DYRK2: variants seen among roughly 807,000 people sequenced by gnomAD.
DYRK2 encodes the protein dual specificity tyrosine-phosphorylation-regulated kinase 2.
DYRK2 carries 12 observed loss-of-function variants against 41.6 expected under a neutral mutation model. The observed-to-expected ratio is 0.29, with a 90% CI of 0.18 to 0.47. The LOEUF (loss-of-function observed/expected upper bound fraction) is 0.47, where lower values mean the gene tolerates loss of function less well. Among genes scored for constraint, DYRK2 ranks in the 20% least tolerant of loss-of-function variants. DYRK2 has a pLI of 1.00. For synonymous variants in DYRK2, 322 were observed against 315.7 expected (o/e 1.02, Z -0.21); for missense variants, 678 against 798.4 (o/e 0.85, Z 1.82).
intron 2 of DYRK2, chr12:67,651,326 T>G (rs112925533): frequency 4.3e-4 from 111 of 258,594 alleles, no homozygotes; most frequent in African/African-American, 2.4e-3. Flanking sequence ...AATACCCAGT[T>G]TTTTGCTATG....
chr12:67,649,945 G>A lies in DYRK2; in HGVS notation c.198G>A (p.Thr66=). The A allele has an allele frequency of 7.3e-7, 1 of 1,365,484 alleles. No individual in the cohort carries two copies. Among genetic ancestry groups the A allele is most frequent in the African/African-American group, 1.5e-5 (1 of 65,274 alleles). The allele number at this position is 1,365,484 out of a possible 1,614,324, so 84.6% of individuals were successfully genotyped here. ...RASNAAAAAH[T]IGGSKHTMND... ...GCAACGCTGCCGCCGCAGCCCACAC[G>A]GTGAGACCCAGCCCGCGGGCGGCCC... Residue 66 remains threonine, a splice_region_variant and synonymous_variant, in exon 2 of 3, where the codon ACG becomes ACA. Transcript: ENST00000344096.
chr12:67,651,712 A>G (rs1872327141), intron 2 of DYRK2: 1 of 441,876 alleles, frequency 2.3e-6, no homozygotes, highest in Non-Finnish European at 4.5e-6. Flanking sequence ...TCTATAACAT[A>G]GCAGATTTCA....
rs1408418702 is a variant in DYRK2 at position 67,664,576 on chromosome 12, C to T, written c.*5863C>T. ...AAGTGACTTGCTCCAAAGTTGACTACAAAAACATTGCAGTTTGAGGCTTAG... is the reference window on the plus strand; with the variant it reads ...AAGTGACTTGCTCCAAAGTTGACTATAAAAACATTGCAGTTTGAGGCTTAG... On this transcript the variant is annotated 3_prime_UTR_variant, in exon 3 of 3. Transcript: ENST00000344096. The T allele has an allele frequency of 6.6e-6, 1 of 151,838 alleles. No homozygotes were observed. 9.4% of individuals were successfully genotyped at this position (151,838 alleles called of 1,614,324 possible).
rs1872686271 is a variant in DYRK2 at position 67,663,993 on chromosome 12, G to A, written c.*5280G>A. 1 of 148,200 alleles carries A rather than the reference G, an allele frequency of 6.7e-6. No individual in the cohort carries two copies. Among genetic ancestry groups the A allele is most frequent in the South Asian group, 2.2e-4 (1 of 4,556 alleles). The allele number at this position is 148,200 out of a possible 1,614,324, so 9.2% of individuals were successfully genotyped here. On this transcript the variant is annotated 3_prime_UTR_variant, in exon 3 of 3. Transcript: ENST00000344096. ...ATGTTTTGAAAAGAGCATTAAGAGGGATTTGAGGAAGGTATATGTGGCTTT... is the reference window on the plus strand; with the variant it reads ...ATGTTTTGAAAAGAGCATTAAGAGGAATTTGAGGAAGGTATATGTGGCTTT...
At chr12:67,650,053 C>T in intron 2 of DYRK2, 108 bp downstream of exon 2, 1 of 1,142,852 alleles carries the variant, frequency 8.8e-7, no homozygotes, top group Non-Finnish European at 1.1e-6. Flanking sequence ...GGTCGAGATA[C>T]AAGCAGCCCC....
Position 67,658,190 on chromosome 12 carries a change from G to A in DYRK2, c.1283G>A (p.Gly428Glu), listed in dbSNP as rs754652492. The A allele has an allele frequency of 6.2e-6, 10 of 1,614,078 alleles. No homozygotes were observed. The highest frequency in any genetic ancestry group is 8.5e-6 in the Non-Finnish European group (10 of 1,180,046). Residue 428 changes from glycine to glutamate, a missense_variant, in exon 3 of 3, where the codon GGG becomes GAG. Gly to Glu is a moderately conservative substitution (Grantham distance 98). Transcript: ENST00000344096. This position sits in a 1 kb window ranked among gnomAD's most constrained non-coding sequence, Gnocchi z 4.3. ...GYPLLPGEDE[G>E]DQLACMIELL... is the part of the protein sequence containing the mutation. ...CCCCTCTTGCCTGGGGAAGATGAAG[G>A]GGACCAGCTGGCCTGTATGATTGAA...
At position 67,658,445 on chromosome 12, in the gene DYRK2, A is replaced by C. The variant is rs753315158; in HGVS notation, c.1538A>C (p.Lys513Thr). 6.3e-7 allele frequency: 1 copy of C among 1,593,118 alleles called. No individual in the cohort carries two copies. Among genetic ancestry groups the C allele is most frequent in the Admixed American group, 1.7e-5 (1 of 57,648 alleles). ...GATCCCCTTTTCCTTGACTTCTTAA[A>C]ACAGTGTTTAGAGTGGGATCCTGCA... Reference protein sequence around the residue: ...CDDPLFLDFLKQCLEWDPAVR... With the variant: ...CDDPLFLDFLTQCLEWDPAVR... The change falls in exon 3 of 3, where the codon AAA (lysine) becomes ACA (threonine). Residue 513 changes from lysine (K) to threonine (T), a missense_variant. Lys to Thr is a moderately conservative substitution (Grantham distance 78). Coordinates refer to ENST00000344096, the MANE Select transcript of DYRK2 (RefSeq NM_006482.3). This position sits in a 1 kb window ranked among gnomAD's most constrained non-coding sequence, Gnocchi z 4.3.
At chr12:67,654,795 G>C (rs899475099) in intron 2 of DYRK2, among the ~76,000 whole-genome samples, 1 of 152,198 alleles carries the variant, frequency 6.6e-6, no homozygotes, top group Non-Finnish European at 1.5e-5. Context: ...GGAGCTGATC[G>C]ATAGTTGGAT....
At chr12:67,654,399 C>A (rs1001175726) in intron 2 of DYRK2, among the ~76,000 whole-genome samples, 3 of 152,176 alleles carry the variant, frequency 2.0e-5, no homozygotes, top group Non-Finnish European at 2.9e-5. Flanking sequence ...TGGGCAAAAG[C>A]AAGAGTGGTC....
Position 67,663,864 on chromosome 12 carries a change from A to G in DYRK2, c.*5151A>G, listed in dbSNP as rs974889905. 6.6e-6 allele frequency: 1 copy of G among 152,172 alleles called. No individual in the cohort carries two copies. The highest frequency in any genetic ancestry group is 1.5e-5 in the Non-Finnish European group (1 of 68,022). The allele number at this position is 152,172 out of a possible 1,614,324, so 9.4% of individuals were successfully genotyped here. A position where few individuals can be genotyped will look rare whatever the true frequency, so the allele number is the denominator to read the frequency against. ...TTTGGAATGAACAGCTACACAAATA[A>G]ATATTCTTGGAACTTCGAAGTTGTC... On this transcript the variant is annotated 3_prime_UTR_variant, in exon 3 of 3. Coordinates refer to ENST00000344096, the MANE Select transcript of DYRK2 (RefSeq NM_006482.3).
intron 2 of DYRK2, chr12:67,652,707 G>A (rs986409449): frequency 4.6e-5 from 7 of 152,196 alleles, no homozygotes; most frequent in African/African-American, 1.7e-4. Flanking sequence ...TTAGACTATT[G>A]TTTTTATATA....
rs1565806657 is a variant in DYRK2 at position 67,661,605 on chromosome 12, A to C, written c.*2892A>C. The C allele has an allele frequency of 6.0e-6, 1 of 167,068 alleles. No individual in the cohort carries two copies. The highest frequency in any genetic ancestry group is 2.4e-5 in the African/African-American group (1 of 41,446). The allele number at this position is 167,068 out of a possible 1,614,324, so 10.3% of individuals were successfully genotyped here. On this transcript the variant is annotated 3_prime_UTR_variant, in exon 3 of 3. Coordinates refer to ENST00000344096, the MANE Select transcript of DYRK2 (RefSeq NM_006482.3). The stretch of plus-strand genomic sequence containing the variant: ...ACTCTTCGAATTCTAGTCAGTAAGA[A>C]TGGAACCCATCTCTGCAAAGATACA...
rs11869 is a variant in DYRK2, at chr12:67,661,073, A to G, written c.*2360A>G. On this transcript the variant is annotated 3_prime_UTR_variant, in exon 3 of 3. Coordinates refer to ENST00000344096, the MANE Select transcript of DYRK2 (RefSeq NM_006482.3). ...AAACCGGAAACTTTTATACCAAACT[A>G]TAATAATGTGCAGCACTGTAGGGCT... The G allele has an allele frequency of 6.0e-6, 1 of 165,874 alleles. No homozygotes were observed. The highest frequency in any genetic ancestry group is 2.1e-4 in the South Asian group (1 of 4,812). 10.3% of individuals were successfully genotyped at this position (165,874 alleles called of 1,614,324 possible).
Position 67,648,993 on chromosome 12 carries a change from G to C in DYRK2, c.-141G>C. 1.6e-6 allele frequency: 1 copy of C among 610,122 alleles called. No homozygotes were observed. Among genetic ancestry groups the C allele is most frequent in the Non-Finnish European group, 2.5e-6 (1 of 395,160 alleles). 37.8% of individuals were successfully genotyped at this position (610,122 alleles called of 1,614,324 possible). A position where few individuals can be genotyped will look rare whatever the true frequency, so the allele number is the denominator to read the frequency against. ...TGCAGTGGACTGTGTGTGTCTGGCTGTAGCAGACGCGAGGCGGCGACGAGG... is the reference window on the plus strand; with the variant it reads ...TGCAGTGGACTGTGTGTGTCTGGCTCTAGCAGACGCGAGGCGGCGACGAGG... On this transcript the variant is annotated 5_prime_UTR_variant, in exon 1 of 3. Coordinates refer to ENST00000344096, the MANE Select transcript of DYRK2 (RefSeq NM_006482.3).
chr12:67,649,673 C>T, intron 1 of DYRK2, 124 bp from the exon 2 acceptor site: 2 of 1,120,298 alleles, frequency 1.8e-6, no homozygotes, highest in Non-Finnish European at 2.3e-6. Flanking sequence ...TTTTTACTGC[C>T]CCGGTCTCTT....
At position 67,657,168 on chromosome 12, in the gene DYRK2, G is replaced by C. The variant is rs1303135588; in HGVS notation, c.261G>C (p.Gln87His). 1 of 1,611,094 alleles carries C rather than the reference G, an allele frequency of 6.2e-7. No homozygotes were observed. The highest frequency in any genetic ancestry group is 1.3e-5 in the African/African-American group (1 of 74,860). ...ATGTCGGCAGCCACGCTCACGGACA[G>C]ATCCAGGTTCAACAGTTGTTTGAGG... ...HLHVGSHAHG[Q>H]IQVQQLFEDN... Residue 87 changes from glutamine to histidine, a missense_variant, in exon 3 of 3, where the codon CAG becomes CAC. Transcript: ENST00000344096. The surrounding 1 kb of genome is among the most constrained non-coding windows in gnomAD (Gnocchi z 4.8).
chr12:67,649,758 C>G (rs372712630), intron 1 of DYRK2, 39 bp from the exon 2 acceptor site: 5 of 1,310,380 alleles, frequency 3.8e-6, no homozygotes, highest in South Asian at 3.1e-5. Flanking sequence ...CTTTCTCCCC[C>G]CTGACCCTCT....
chr12:67,663,302 AC>A lies in DYRK2; in HGVS notation c.*4590del, dbSNP rs887447035. 3.9e-5 allele frequency: 6 copies of A among 152,132 alleles called. No individual in the cohort carries two copies. Among genetic ancestry groups the A allele is most frequent in the African/African-American group, 1.4e-4 (6 of 41,442 alleles). The allele number at this position is 152,132 out of a possible 1,614,324, so 9.4% of individuals were successfully genotyped here. ...TTAGTACCAAGCTAAGAGTTTACTT[AC>A]AGATGACAGCAAGCAGATGCTCTAG... On this transcript the variant is annotated 3_prime_UTR_variant, in exon 3 of 3. Transcript: ENST00000344096.
At position 67,662,230 on chromosome 12, in the gene DYRK2, A is replaced by G. The variant is rs1240010086; in HGVS notation, c.*3517A>G. 6.0e-6 allele frequency: 1 copy of G among 167,008 alleles called. No homozygotes were observed. The highest frequency in any genetic ancestry group is 2.4e-5 in the African/African-American group (1 of 41,452). 10.3% of individuals were successfully genotyped at this position (167,008 alleles called of 1,614,324 possible). A position where few individuals can be genotyped will look rare whatever the true frequency, so the allele number is the denominator to read the frequency against. On this transcript the variant is annotated 3_prime_UTR_variant, in exon 3 of 3. Transcript: ENST00000344096. ...TAATATTGCCCAACATAATGCTGTA[A>G]TAGCATTAAAAAAAGTATTTGTGAA... is the stretch of plus-strand genomic sequence containing the variant.
Sources: gnomAD v4.1 joint callset for allele counts (sites outside exome capture counted in the v4.1 genomes callset) on GRCh38, gnomAD v4.1.1 for gene constraint, Gnocchi (gnomAD v3.1) non-coding constraint, MANE v1.5 for transcripts, NCBI Gene and HGNC (gene_info 2026-07-23, HGNC 2026-07-21) for gene names.